The following KLF16 variants were observed in gnomAD, a reference collection of about 807,000 sequenced individuals.
KLF16 encodes Krueppel-like factor 16.
A neutral mutation model predicts 6.1 loss-of-function variants in KLF16; 6 were observed. The observed-to-expected ratio is 0.98, with a 90% confidence interval of 0.54 to 1.93. KLF16 has a LOEUF of 1.93. KLF16 is among the 30% of genes most tolerant of loss of function. The probability of loss-of-function intolerance (pLI) is 0.01; values close to 1 mark genes in which losing one functional copy is unlikely to be tolerated. For missense variants in KLF16, 355 were observed against 363.8 expected (o/e 0.98, Z 0.20); for synonymous variants, 211 against 176.5 (o/e 1.20, Z -1.55).
upstream of KLF16, among the ~76,000 whole-genome samples, chr19:1,868,461 C>CTTTTTTTT (rs762308559): frequency 9.1e-6 from 1 of 110,044 alleles, no homozygotes; most frequent in Non-Finnish European, 1.9e-5. Flanking sequence ...CAGATTAGGG[C>CTTTTTTTT]TTTTTTTTTT....
At chr19:1,855,425 G>A (rs1473809041) in intron 1 of KLF16, among the ~76,000 whole-genome samples, 2 of 152,156 alleles carry the variant, frequency 1.3e-5, no homozygotes, top group Non-Finnish European at 2.9e-5. Flanking sequence ...AGGGAGGGGA[G>A]GGGGCGGGGT....
At chr19:1,875,064 G>A in the KLF16 span, 1 of 152,202 alleles carries the variant, frequency 6.6e-6, no homozygotes, top group East Asian at 1.9e-4. Flanking sequence ...GCAAAATCCA[G>A]CTTGGGCAAG....
At chr19:1,870,419 C>G in the KLF16 span, among the ~76,000 whole-genome samples, 1 of 152,014 alleles carries the variant, frequency 6.6e-6, no homozygotes, top group South Asian at 2.1e-4. Context: ...TGACTGTAAT[C>G]CCAGCACTTT....
At chr19:1,875,906 C>A in the KLF16 span, 1 of 152,500 alleles carries the variant, frequency 6.6e-6, no homozygotes. Context: ...CCCAGGCGTC[C>A]CCTGCTCTAG....
the KLF16 span, among the ~76,000 whole-genome samples, chr19:1,869,735 T>C: frequency 6.6e-6 from 1 of 152,140 alleles, no homozygotes; most frequent in Non-Finnish European, 1.5e-5. Flanking sequence ...GCTTCCCAAG[T>C]AACTGGAACC....
At chr19:1,861,627 G>T (rs114792543) in intron 1 of KLF16, 1 of 152,252 alleles carries the variant, frequency 6.6e-6, no homozygotes, top group African/African-American at 2.4e-5. Flanking sequence ...TCCCGTCTGT[G>T]TCTCAAGGTG....
Position 1,863,352 on chromosome 19 carries a change from T to G in KLF16, c.146A>C (p.Glu49Ala). 1 of 979,304 alleles carries G rather than the reference T, an allele frequency of 1.0e-6. No homozygotes were observed. 60.7% of individuals were successfully genotyped at this position (979,304 alleles called of 1,614,324 possible). ...CCCCGGGGTCCCGGGTGAGGCGGCC[T>G]CGCGGCGCGCCGCGCGCACATCCAG... ...AGLDVRAARR[E>A]AASPGTPGPP... is the part of the protein sequence containing the mutation. Residue 49 changes from glutamate (E) to alanine (A), a missense_variant, in exon 1 of 2, where the codon GAG becomes GCG. Coordinates refer to ENST00000250916, the MANE Select transcript of KLF16 (RefSeq NM_031918.4).
At chr19:1,872,616 A>G in the KLF16 span, among the ~76,000 whole-genome samples, 1 of 152,114 alleles carries the variant, frequency 6.6e-6, no homozygotes, top group East Asian at 1.9e-4. Context: ...CTGGGGAGAG[A>G]ATAGGCTCTG....
At chr19:1,867,069 A>ACAG (rs1020049899), upstream of KLF16, among the ~76,000 whole-genome samples, 8 of 152,192 alleles carry the variant, frequency 5.3e-5, no homozygotes, top group African/African-American at 1.9e-4. Flanking sequence ...CAGGGGACAG[A>ACAG]CAGCACCCAG....
Position 1,863,519 on chromosome 19 carries a change from C to T in KLF16, c.-22G>A. The T allele has an allele frequency of 1.0e-6, 1 of 982,466 alleles. No homozygotes were observed. The highest frequency in any genetic ancestry group is 4.4e-5 in the South Asian group (1 of 22,532). 60.9% of individuals were successfully genotyped at this position (982,466 alleles called of 1,614,324 possible). A position where few individuals can be genotyped will look rare whatever the true frequency, so the allele number is the denominator to read the frequency against. On this transcript the variant is annotated 5_prime_UTR_variant, in exon 1 of 2. Coordinates refer to ENST00000250916, the MANE Select transcript of KLF16 (RefSeq NM_031918.4). ...ACATGCCGAGCAAGGGCGCGCGGCGCGGCGGGCGGAGCGGAGGCGGCGGGA... is the reference window on the plus strand; with the variant it reads ...ACATGCCGAGCAAGGGCGCGCGGCGTGGCGGGCGGAGCGGAGGCGGCGGGA...
At chr19:1,872,884 CT>C in the KLF16 span, among the ~76,000 whole-genome samples, 9 of 152,230 alleles carry the variant, frequency 5.9e-5, no homozygotes, top group Non-Finnish European at 1.2e-4. Context: ...GTGCTGGCCC[CT>C]GGGCCGCTCT....
chr19:1,856,347 AG>A (rs1348885822), intron 1 of KLF16, among the ~76,000 whole-genome samples: 13 of 152,282 alleles, frequency 8.5e-5, no homozygotes, highest in Admixed American at 6.5e-4. Flanking sequence ...AAGAGCTGGA[AG>A]AAAAAACCTT....
At chr19:1,868,508 T>G (rs1436214156), upstream of KLF16, among the ~76,000 whole-genome samples, 13 of 126,202 alleles carry the variant, frequency 1.0e-4, no homozygotes, top group Admixed American at 2.7e-4. Flanking sequence ...TGAGACAGAG[T>G]CTCACTGTTA....
the KLF16 span, among the ~76,000 whole-genome samples, chr19:1,870,816 T>G: frequency 6.6e-6 from 1 of 151,784 alleles, no homozygotes; most frequent in Admixed American, 6.6e-5. Context: ...GCCAACATGG[T>G]GAAACCCCGT....
At chr19:1,872,248 A>G in the KLF16 span, among the ~76,000 whole-genome samples, 1 of 152,104 alleles carries the variant, frequency 6.6e-6, no homozygotes, top group East Asian at 1.9e-4. Flanking sequence ...CTCCTGCCTC[A>G]GCCTCCCGAG....
chr19:1,869,738 C>T, the KLF16 span, among the ~76,000 whole-genome samples: 2 of 152,116 alleles, frequency 1.3e-5, no homozygotes, highest in Non-Finnish European at 2.9e-5. Flanking sequence ...TCCCAAGTAA[C>T]TGGAACCACA....
the KLF16 span, among the ~76,000 whole-genome samples, chr19:1,876,384 G>C: frequency 1.3e-5 from 2 of 152,244 alleles, no homozygotes; most frequent in African/African-American, 2.4e-5. Flanking sequence ...CAGGCCACCG[G>C]TTCCCGAGTC....
intron 1 of KLF16, among the ~76,000 whole-genome samples, chr19:1,855,471 C>T (rs766652210): frequency 6.6e-6 from 1 of 152,248 alleles, no homozygotes; most frequent in Non-Finnish European, 1.5e-5. Context: ...GGGCTGGACT[C>T]GCCCCACCCC....
chr19:1,875,791 G>C, the KLF16 span: 2 of 152,444 alleles, frequency 1.3e-5, no homozygotes, highest in Non-Finnish European at 2.9e-5. Flanking sequence ...GACGTGTTCC[G>C]AAACGTGAGC....
Sources: gnomAD v4.1 joint callset for allele counts (sites outside exome capture counted in the v4.1 genomes callset) on GRCh38, gnomAD v4.1.1 for gene constraint, MANE v1.5 for transcripts, NCBI Gene and HGNC (gene_info 2026-07-23, HGNC 2026-07-21) for gene names.